DCHS2: variants seen among roughly 807,000 people sequenced by gnomAD.
The protein encoded by DCHS2 is dachsous cadherin-related 2, also known as protocadherin-23.
DCHS2 carries 142 observed loss-of-function variants against 182.4 expected under a neutral mutation model. That is an observed-to-expected ratio of 0.78 (90% confidence interval 0.68 to 0.89). DCHS2 has a LOEUF of 0.89. Ranked by LOEUF, DCHS2 falls within the 40% of genes least tolerant of loss-of-function variation. DCHS2 has a pLI of 0.00. For missense variants in DCHS2, 4,319 were observed against 4,198.6 expected (o/e 1.03, Z -0.79); for synonymous variants, 1,740 against 1,663.3 (o/e 1.05, Z -1.12).
intron 1 of DCHS2, among the ~76,000 whole-genome samples, chr4:154,413,403 T>A (rs1732708712): frequency 6.6e-6 from 1 of 152,234 alleles, no homozygotes; most frequent in South Asian, 2.1e-4. Context: ...CATGAATTTA[T>A]TTTTGATCAC....
chr4:154,337,145 A>G (rs1378019452), intron 3 of DCHS2, among the ~76,000 whole-genome samples: 1 of 152,144 alleles, frequency 6.6e-6, no homozygotes, highest in Middle Eastern at 3.2e-3. Flanking sequence ...TGCAGTTTCT[A>G]AAAAATATTG....
intron 3 of DCHS2, among the ~76,000 whole-genome samples, chr4:154,353,911 T>C (rs1007737967): frequency 7.9e-5 from 12 of 152,200 alleles, no homozygotes; most frequent in Non-Finnish European, 1.5e-4. Context: ...CTCCAAAGTT[T>C]GAAGACCTTT....
intron 4 of DCHS2, chr4:154,333,775 C>A (rs1728633736): frequency 7.3e-6 from 3 of 412,468 alleles, no homozygotes; most frequent in African/African-American, 2.0e-5. Flanking sequence ...TCGACTGTAA[C>A]ATTTAGCCTA....
Position 154,374,869 on chromosome 4 carries a change from G to GA in DCHS2, c.2244+2383dup, listed in dbSNP as rs750417147. Among the ~76,000 whole-genome samples, 54 of 151,378 alleles carry GA rather than the reference G, an allele frequency of 3.6e-4. No individual in the cohort carries two copies. In the East Asian group the frequency reaches 4.2e-3, roughly 12 times the overall value. On this transcript the variant is annotated intron_variant, in intron 2 of 19. Transcript: ENST00000357232. ...GTAAAGTCTCCAAAATGAAATAAGT[G>GA]AAAAAAAATCAAAGCGCAGAACGGT...
intron 5 of DCHS2, chr4:154,331,820 G>A: frequency 8.2e-7 from 1 of 1,222,414 alleles, no homozygotes; most frequent in Non-Finnish European, 1.1e-6. Context: ...TTGCAGTATA[G>A]ATATGTTTCA....
Position 154,490,053 on chromosome 4 carries a change from A to G in DCHS2, c.1303T>C (p.Tyr435His). ...TCAGACACCGAGACGCGAGCCACGT[A>G]GTCGCCCGGTCGGGCGCCTTCAGAG... ...RVSEGARPGDYVARVSVSDAD... is the reference protein window; with the variant it reads ...RVSEGARPGDHVARVSVSDAD... The change falls in exon 1 of 20, where the codon TAC (tyrosine) becomes CAC (histidine). Residue 435 changes from tyrosine to histidine, a missense_variant. Tyr to His is a moderately conservative substitution (Grantham distance 83, BLOSUM62 2). Transcript: ENST00000357232. 6.5e-7 allele frequency: 1 copy of G among 1,548,636 alleles called. No homozygotes were observed. Among genetic ancestry groups the G allele is most frequent in the Non-Finnish European group, 8.7e-7 (1 of 1,146,896 alleles).
Position 154,315,924 on chromosome 4 carries a change from A to G in DCHS2, c.5084T>C (p.Leu1695Pro), listed in dbSNP as rs763684704. Reference sequence around the variant, plus strand: ...TGCTGGTGTGCCATCATCCAGTGCCAGAACAGTCAGAATATGCTGAGTTTT... The same window carrying G: ...TGCTGGTGTGCCATCATCCAGTGCCGGAACAGTCAGAATATGCTGAGTTTT... ...EMKTQHILTV[L>P]ALDDGTPALS... The change falls in exon 10 of 20, where the codon CTG becomes CCG. Residue 1695 changes from leucine to proline, a missense_variant. Coordinates refer to ENST00000357232, the MANE Select transcript of DCHS2 (RefSeq NM_001358235.2). The G allele has an allele frequency of 1.2e-6, 2 of 1,613,942 alleles. No individual in the cohort carries two copies. The highest frequency in any genetic ancestry group is 4.5e-5 in the East Asian group (2 of 44,860).
intron 13 of DCHS2, among the ~76,000 whole-genome samples, chr4:154,277,764 A>G (rs564140522): frequency 6.6e-6 from 1 of 152,234 alleles, no homozygotes; most frequent in East Asian, 1.9e-4. Flanking sequence ...TTCAGAACTG[A>G]GTGCAGTGGT....
chr4:154,344,785 C>T (rs1378696185), intron 3 of DCHS2, among the ~76,000 whole-genome samples: 1 of 152,174 alleles, frequency 6.6e-6, no homozygotes, highest in Non-Finnish European at 1.5e-5. Flanking sequence ...GCAGCTGAGA[C>T]TCAGGTGTCT....
At chr4:154,260,991 G>GT (rs1441345101) in intron 14 of DCHS2, among the ~76,000 whole-genome samples, 1 of 151,982 alleles carries the variant, frequency 6.6e-6, no homozygotes, top group East Asian at 1.9e-4. Flanking sequence ...AGATTTTACT[G>GT]TTTTTTCCTC....
rs1436665221 is a variant in DCHS2, at chr4:154,253,582, C to CAATT, written c.6941+1933_6941+1936dup. ...AGAGGAGAAAAGTTTCATGCTTAAA[C>CAATT]AATTACTATAGAAACAATGTAGCAG... On this transcript the variant is annotated intron_variant, in intron 16 of 19. Coordinates refer to ENST00000357232, the MANE Select transcript of DCHS2 (RefSeq NM_001358235.2). 2.6e-5 allele frequency among the ~76,000 whole-genome samples: 4 copies of CAATT among 152,062 alleles called. No homozygotes were observed. In the East Asian group the frequency reaches 5.8e-4, roughly 22 times the overall value.
chr4:154,248,357 A>G (rs1352010580), intron 16 of DCHS2, among the ~76,000 whole-genome samples: 2 of 152,320 alleles, frequency 1.3e-5, no homozygotes, highest in African/African-American at 4.8e-5. Flanking sequence ...GGAAGTTAAG[A>G]GATAATGTTT....
At chr4:154,332,256 A>C (rs982238074) in intron 5 of DCHS2, among the ~76,000 whole-genome samples, 1 of 152,210 alleles carries the variant, frequency 6.6e-6, no homozygotes, top group South Asian at 2.1e-4. Context: ...ACTCTATTCA[A>C]TTTTTAATCC....
chr4:154,252,022 A>ATAT (rs1732388170), intron 16 of DCHS2, among the ~76,000 whole-genome samples: 1 of 151,628 alleles, frequency 6.6e-6, no homozygotes, highest in African/African-American at 2.4e-5. Flanking sequence ...TAATACATTC[A>ATAT]TATTTAGTAG....
intron 18 of DCHS2, among the ~76,000 whole-genome samples, chr4:154,240,167 A>T (rs1731731625): frequency 6.6e-6 from 1 of 152,144 alleles, no homozygotes; most frequent in Non-Finnish European, 1.5e-5. Context: ...AATTTTAATC[A>T]ATGCATTCCA....
At position 154,387,007 on chromosome 4, in the gene DCHS2, G is replaced by A. The variant is rs191934340; in HGVS notation, c.2053-9563C>T. 3.3e-5 allele frequency among the ~76,000 whole-genome samples: 5 copies of A among 152,180 alleles called. No homozygotes were observed. The East Asian group carries it at 9.7e-4, about 29-fold the overall frequency. On this transcript the variant is annotated intron_variant, in intron 1 of 19. Coordinates refer to ENST00000357232, the MANE Select transcript of DCHS2 (RefSeq NM_001358235.2). ...AAAAGAAAACTATCTCAAAGCATGT[G>A]GAACTATTAAGATGTTGGAATCAGA...
intron 1 of DCHS2, among the ~76,000 whole-genome samples, chr4:154,452,781 G>A (rs1387693737): frequency 6.6e-6 from 1 of 152,134 alleles, no homozygotes; most frequent in Non-Finnish European, 1.5e-5. Flanking sequence ...GGAACAAAAT[G>A]TTGTGAGAAA....
chr4:154,374,024 A>T, intron 2 of DCHS2: 1 of 933,436 alleles, frequency 1.1e-6, no homozygotes, highest in Non-Finnish European at 1.6e-6. Context: ...AAAAAAAAAA[A>T]ACTTGCTTAT....
At chr4:154,473,703 G>A (rs995842802) in intron 1 of DCHS2, among the ~76,000 whole-genome samples, 7 of 152,132 alleles carry the variant, frequency 4.6e-5, no homozygotes, top group African/African-American at 7.2e-5. Flanking sequence ...AAGATGATGA[G>A]TATCAGCTGT....
Sources: allele counts gnomAD v4.1 joint callset (sites outside exome capture counted in the v4.1 genomes callset), GRCh38; gene constraint gnomAD v4.1.1; transcripts MANE v1.5; gene names NCBI Gene and HGNC (gene_info 2026-07-23, HGNC 2026-07-21).